The following SIGLEC12 variants were observed in gnomAD, a reference collection of about 807,000 sequenced individuals.
SIGLEC12 encodes the protein sialic acid-binding Ig-like lectin 12.
A neutral mutation model predicts 54.1 loss-of-function variants in SIGLEC12; 43 were observed. The ratio of observed to expected loss-of-function variants is 0.80; its 90% CI spans 0.62 to 1.03. The LOEUF (loss-of-function observed/expected upper bound fraction) is 1.03, where lower values mean the gene tolerates loss of function less well. Among genes scored for constraint, SIGLEC12 ranks in the 50% least tolerant of loss-of-function variants. The pLI is 0.00. For missense variants in SIGLEC12, 802 were observed against 735.2 expected (o/e 1.09, Z -1.05); for synonymous variants, 357 against 307.6 (o/e 1.16, Z -1.68).
In SIGLEC12 at chr19:51,491,745, C is replaced by A; in HGVS notation, c.1684G>T (p.Glu562Ter). ...AAGCTGAGGGATGCATACTGGATCT[C>A]TCCTTCCTCTGGGGAGGGGGTGGCC... ...ALATPSPEEG[E>*]IQYASLSFHK... The change falls in exon 8 of 8, where the codon GAG becomes TAG. Residue 562 changes from glutamate to a stop codon, truncating the protein, a stop_gained. Transcript: ENST00000291707. LOFTEE classifies it low-confidence loss of function (END_TRUNC). 1 of 1,613,140 alleles carries A rather than the reference C, an allele frequency of 6.2e-7. No homozygotes were observed. Among genetic ancestry groups the A allele is most frequent in the South Asian group, 1.1e-5 (1 of 91,010 alleles).
chr19:51,499,038 A>AAGGCTG (rs1799046772), intron 4 of SIGLEC12, 132 bp downstream of exon 4: 3 of 854,518 alleles, frequency 3.5e-6, no homozygotes, highest in South Asian at 1.5e-5. Flanking sequence ...AGGTGGCCAA[A>AAGGCTG]AGGCTGAGGC....
intron 1 of SIGLEC12, among the ~76,000 whole-genome samples, chr19:51,501,025 C>T (rs1393686663): frequency 6.6e-6 from 1 of 152,114 alleles, no homozygotes; most frequent in East Asian, 1.9e-4. Flanking sequence ...ATGCCTAGGA[C>T]AGGCCCCAAA....
intron 7 of SIGLEC12, 50 bp from the exon 8 acceptor site, chr19:51,491,879 G>T (rs201448162): frequency 4.2e-6 from 6 of 1,417,894 alleles, no homozygotes. Flanking sequence ...GGGCCAGCAT[G>T]CACCAGAGAG....
chr19:51,498,119 C>G lies in SIGLEC12; in HGVS notation c.1304G>C (p.Arg435Pro). 6.2e-7 allele frequency: 1 copy of G among 1,614,214 alleles called. No individual in the cohort carries two copies. The highest frequency in any genetic ancestry group is 8.5e-7 in the Non-Finnish European group (1 of 1,180,038). ...TTCCCCTTCATCCTTCACATGCACT[C>G]GAGGCAGCTCCAGCACCCCAAGGTT... Reference protein sequence around the residue: ...SSNLGVLELPRVHVKDEGEFT... With the variant: ...SSNLGVLELPPVHVKDEGEFT... The change falls in exon 5 of 8, where the codon CGA (arginine) becomes CCA (proline). Residue 435 changes from arginine (R) to proline (P), a missense_variant. Physicochemically the swap from Arg to Pro is moderately radical, Grantham distance 103. Transcript: ENST00000291707.
In SIGLEC12 at chr19:51,501,437, T is replaced by C. The variant is rs1990393178; in HGVS notation, c.297A>G (p.Pro99=). ...TGCTCAGGGTACAATCCTTGTTCTG[T>C]GGGTCCCCAAGGAGGTGGAATCGGT... ...TRDRFHLLGD[P]QNKDCTLSIR... The change falls in exon 1 of 8, where the codon CCA becomes CCG. Residue 99 remains proline, a synonymous_variant. Transcript: ENST00000291707. 7 of 1,614,204 alleles carry C rather than the reference T, an allele frequency of 4.3e-6. No individual in the cohort carries two copies. The South Asian group carries it at 7.7e-5, about 18-fold the overall frequency.
chr19:51,499,058 G>GA, intron 4 of SIGLEC12, 112 bp downstream of exon 4: 2 of 1,097,084 alleles, frequency 1.8e-6, no homozygotes, highest in Non-Finnish European at 2.8e-6. Flanking sequence ...CTGAGGGAGG[G>GA]GGGGGCCGGG....
chr19:51,497,174 A>T (rs1252656715), intron 6 of SIGLEC12, among the ~76,000 whole-genome samples, 175 bp downstream of exon 6: 1 of 152,202 alleles, frequency 6.6e-6, no homozygotes, highest in East Asian at 1.9e-4. Context: ...TTTGCCACAG[A>T]CATGGAGCTC....
Position 51,497,446 on chromosome 19 carries a change from C to A in SIGLEC12, c.1406-1G>T. On this transcript the variant is annotated splice_acceptor_variant, in intron 5 of 7. Transcript: ENST00000291707. LOFTEE classifies it high-confidence loss of function. ...ACTCCTGATATAGGCCTCATTTTGC[C>A]TGAGGATGGATTGGAGTTGTTTTGG... is the stretch of plus-strand genomic sequence containing the variant. 6.2e-7 allele frequency: 1 copy of A among 1,609,136 alleles called. No homozygotes were observed. Among genetic ancestry groups the A allele is most frequent in the Non-Finnish European group, 8.5e-7 (1 of 1,176,378 alleles).
Position 51,491,604 on chromosome 19 carries a change from C to T in SIGLEC12, c.*37G>A, listed in dbSNP as rs768922483. 9 of 1,602,452 alleles carry T rather than the reference C, an allele frequency of 5.6e-6. No homozygotes were observed. The East Asian group carries it at 1.8e-4, about 32-fold the overall frequency. On this transcript the variant is annotated 3_prime_UTR_variant, in exon 8 of 8. Transcript: ENST00000291707. ...TCTCGGGCTTCTTTGCTGCAGGGGT[C>T]GTGAGCCCTCAAACAGGCCTGAGTC...
intron 7 of SIGLEC12, among the ~76,000 whole-genome samples, chr19:51,495,389 ATGGATGGATGGGTGGGTGGGTGGG>A (rs1475959870): frequency 2.8e-4 from 21 of 75,028 alleles, no homozygotes; most frequent in African/African-American, 1.1e-3. Flanking sequence ...GGATGGATGG[ATGGATGGATGGGTGGGTGGGTGGG>A]TGGATGGATG....
chr19:51,493,860 A>G (rs370526154), intron 7 of SIGLEC12, among the ~76,000 whole-genome samples: 61 of 152,284 alleles, frequency 4.0e-4, no homozygotes, highest in African/African-American at 1.4e-3. Context: ...TGCACACAAC[A>G]GCCAGAGGGA....
intron 3 of SIGLEC12, 61 bp from the exon 4 acceptor site, chr19:51,499,278 C>T: frequency 6.3e-7 from 1 of 1,596,142 alleles, no homozygotes; most frequent in Non-Finnish European, 8.6e-7. Flanking sequence ...GACCCTGTCT[C>T]CCCAGGAGCC....
rs1022776990 is a variant in SIGLEC12 at position 51,499,418 on chromosome 19, C to T, written c.1087+20G>A. 13 of 1,551,614 alleles carry T rather than the reference C, an allele frequency of 8.4e-6. No homozygotes were observed. The highest frequency in any genetic ancestry group is 2.0e-5 in the Admixed American group (1 of 48,968). ...AAGGAATCCCGATCAAAGACCCAGA[C>T]GTCCTGGCCCAGAACTCACAGGATA... On this transcript the variant is annotated intron_variant, in intron 3 of 7. Transcript: ENST00000291707.
chr19:51,499,468 T>C lies in SIGLEC12; in HGVS notation c.1057A>G (p.Met353Val), dbSNP rs370144797. The C allele has an allele frequency of 1.7e-5, 28 of 1,600,240 alleles. No homozygotes were observed. The highest frequency in any genetic ancestry group is 1.1e-4 in the East Asian group (5 of 44,848). Residue 353 changes from methionine (M) to valine (V), a missense_variant, in exon 3 of 8, where the codon ATG becomes GTG. Coordinates refer to ENST00000291707, the MANE Select transcript of SIGLEC12 (RefSeq NM_053003.4). ...ATGTTGAGTCGGACAGCCCTGGTCA[T>C]GGTCACGCCGGCCCCAGGCAAGGTC... ...QVTLPGAGVT[M>V]TRAVRLNISY...
At position 51,491,522 on chromosome 19, in the gene SIGLEC12, A is replaced by G; in HGVS notation, c.*119T>C. On this transcript the variant is annotated 3_prime_UTR_variant, in exon 8 of 8. Transcript: ENST00000291707. ...ACGCATTTTCAGTTTGACAAGAGGA[A>G]TAAGTTCTGATGTCCTGTTGCACAG... 1 of 967,974 alleles carries G rather than the reference A, an allele frequency of 1.0e-6. No homozygotes were observed. Among genetic ancestry groups the G allele is most frequent in the Non-Finnish European group, 1.6e-6 (1 of 638,034 alleles). The allele number at this position is 967,974 out of a possible 1,614,324, so 60.0% of individuals were successfully genotyped here.
chr19:51,499,421 C>T lies in SIGLEC12; in HGVS notation c.1087+17G>A. 1.3e-6 allele frequency: 2 copies of T among 1,555,250 alleles called. No individual in the cohort carries two copies. The highest frequency in any genetic ancestry group is 1.7e-6 in the Non-Finnish European group (2 of 1,154,378). On this transcript the variant is annotated intron_variant, in intron 3 of 7. Transcript: ENST00000291707. ...GAATCCCGATCAAAGACCCAGACGT[C>T]CTGGCCCAGAACTCACAGGATATGT... is the stretch of plus-strand genomic sequence containing the variant.
Position 51,500,299 on chromosome 19 carries a change from C to G in SIGLEC12, c.429G>C (p.Ala143=), listed in dbSNP as rs200855532. The change falls in exon 2 of 8, where the codon GCG becomes GCC. Residue 143 remains alanine (A), a splice_region_variant and synonymous_variant. Transcript: ENST00000291707. The part of the protein sequence containing the change: ...KYDQLSVNVT[A]SQDLLSRYRL... Reference sequence around the variant, plus strand: ...TGTATCTTGACAGTAGGTCCTGGGACGCTGTGGAGAAACGAGGGTCAGCCC... The same window carrying G: ...TGTATCTTGACAGTAGGTCCTGGGAGGCTGTGGAGAAACGAGGGTCAGCCC... The G allele has an allele frequency of 6.2e-7, 1 of 1,614,178 alleles. No homozygotes were observed. Among genetic ancestry groups the G allele is most frequent in the Admixed American group, 1.7e-5 (1 of 60,012 alleles).
chr19:51,501,682 C>T lies in SIGLEC12; in HGVS notation c.52G>A (p.Ala18Thr). Residue 18 changes from alanine to threonine, a missense_variant, in exon 1 of 8, where the codon GCT (alanine) becomes ACT (threonine). Transcript: ENST00000291707. ...AGCAGGTAATCCTTCTGTTCCTTAGCCCCCACTCTCCCACAGAGCAGGGGT... is the reference window on the plus strand; with the variant it reads ...AGCAGGTAATCCTTCTGTTCCTTAGTCCCCACTCTCCCACAGAGCAGGGGT... ...LPPLLCGRVG[A>T]KEQKDYLLTM... 1 of 1,613,102 alleles carries T rather than the reference C, an allele frequency of 6.2e-7. No individual in the cohort carries two copies.
chr19:51,497,399 T>TC lies in SIGLEC12; in HGVS notation c.1451dup (p.Ala485SerfsTer54), dbSNP rs757739716. 1 of 1,612,978 alleles carries TC rather than the reference T, an allele frequency of 6.2e-7. No individual in the cohort carries two copies. On this transcript the variant is annotated frameshift_variant, in exon 6 of 8. Coordinates refer to ENST00000291707, the MANE Select transcript of SIGLEC12 (RefSeq NM_053003.4). LOFTEE classifies it high-confidence loss of function. ...GGAAGACCAGGGCTGTGGCTCCAGC[T>TC]CCCCCGAATGCCCCTAGCGTCACTC...
Sources: gnomAD v4.1 joint callset for allele counts (sites outside exome capture counted in the v4.1 genomes callset) on GRCh38, gnomAD v4.1.1 for gene constraint, MANE v1.5 for transcripts, NCBI Gene and HGNC (gene_info 2026-07-23, HGNC 2026-07-21) for gene names.